The following SCAMP2 variants were observed in gnomAD, a reference collection of about 807,000 sequenced individuals.
SCAMP2 encodes the protein secretory carrier-associated membrane protein 2.
A neutral mutation model predicts 44.1 loss-of-function variants in SCAMP2; 25 were observed. The observed-to-expected ratio is 0.57, with a 90% CI of 0.41 to 0.79. The LOEUF is 0.79. SCAMP2 is among the 30% of genes least tolerant of loss of function. The probability of loss-of-function intolerance (pLI) is 0.00; values close to 1 mark genes in which losing one functional copy is unlikely to be tolerated. For synonymous variants in SCAMP2, 156 were observed against 166.0 expected (o/e 0.94, Z 0.46); for missense variants, 355 against 411.0 (o/e 0.86, Z 1.18).
At chr15:74,850,369 C>G (rs898576413) in intron 6 of SCAMP2, 145 bp downstream of exon 6, 3 of 819,836 alleles carry the variant, frequency 3.7e-6, no homozygotes, top group Non-Finnish European at 5.8e-6. Context: ...TGGGTGGGAA[C>G]AGAGGAACAG....
chr15:74,845,007 C>T lies in SCAMP2; in HGVS notation c.*76G>A, dbSNP rs925142790. On this transcript the variant is annotated 3_prime_UTR_variant, in exon 9 of 9. Coordinates refer to ENST00000268099, the MANE Select transcript of SCAMP2 (RefSeq NM_005697.5). ...GGTCTGTGCTGGGCACAACCACCAC[C>T]ACATAAGGCACCCACGGAAAGTGCA... The T allele has an allele frequency of 2.0e-6, 3 of 1,530,376 alleles. No individual in the cohort carries two copies. Among genetic ancestry groups the T allele is most frequent in the Non-Finnish European group, 2.7e-6 (3 of 1,123,812 alleles). The allele number at this position is 1,530,376 out of a possible 1,614,324, so 94.8% of individuals were successfully genotyped here. A position where few individuals can be genotyped will look rare whatever the true frequency, so the allele number is the denominator to read the frequency against.
Position 74,863,412 on chromosome 15 carries a change from G to A in SCAMP2, c.58-8763C>T, listed in dbSNP as rs1596422559. On this transcript the variant is annotated intron_variant, in intron 1 of 8. Transcript: ENST00000268099. ...TGTGGTCCCAGCTACACTGGAGGCT[G>A]AGGCAGGAGAACTGCCTGAGCCCAG... is the stretch of plus-strand genomic sequence containing the variant. 2.0e-5 allele frequency among the ~76,000 whole-genome samples: 3 copies of A among 151,756 alleles called. No individual in the cohort carries two copies. In the East Asian group the frequency reaches 5.8e-4, roughly 29 times the overall value.
intron 1 of SCAMP2, among the ~76,000 whole-genome samples, chr15:74,867,973 A>G (rs1225152288): frequency 6.6e-6 from 1 of 152,220 alleles, no homozygotes; most frequent in African/African-American, 2.4e-5. Context: ...GACTGCTGAA[A>G]AATGGACAGT....
chr15:74,845,283 GT>G, intron 8 of SCAMP2, 66 bp from the exon 9 acceptor site: 1 of 1,595,776 alleles, frequency 6.3e-7, no homozygotes. Flanking sequence ...AGCCATCCAG[GT>G]TATACTCCCA....
chr15:74,856,710 C>T (rs1380669721), intron 1 of SCAMP2, among the ~76,000 whole-genome samples: 1 of 151,938 alleles, frequency 6.6e-6, no homozygotes, highest in Non-Finnish European at 1.5e-5. Context: ...CCTCCCACCT[C>T]AGCCTCCGGA....
rs1173171037 is a variant in SCAMP2 at position 74,844,993 on chromosome 15, G to GGCACAACCACCACC, written c.*76_*89dup. 2.0e-6 allele frequency: 3 copies of GGCACAACCACCACC among 1,465,056 alleles called. No homozygotes were observed. In the African/African-American group the frequency reaches 4.2e-5, roughly 21 times the overall value. The allele number at this position is 1,465,056 out of a possible 1,614,324, so 90.8% of individuals were successfully genotyped here. A position where few individuals can be genotyped will look rare whatever the true frequency, so the allele number is the denominator to read the frequency against. On this transcript the variant is annotated 3_prime_UTR_variant, in exon 9 of 9. Transcript: ENST00000268099. The stretch of plus-strand genomic sequence containing the variant: ...CAAGAACCCTGCCAGGTCTGTGCTG[G>GGCACAACCACCACC]GCACAACCACCACCACATAAGGCAC...
At chr15:74,858,102 G>A (rs754720463) in intron 1 of SCAMP2, among the ~76,000 whole-genome samples, 3 of 152,148 alleles carry the variant, frequency 2.0e-5, no homozygotes, top group Non-Finnish European at 2.9e-5. Flanking sequence ...AAAGATGTGC[G>A]TGGCTTCAAG....
intron 1 of SCAMP2, among the ~76,000 whole-genome samples, chr15:74,870,937 C>T (rs1183049814): frequency 6.6e-6 from 1 of 152,096 alleles, no homozygotes; most frequent in Admixed American, 6.6e-5. Flanking sequence ...TGCCAATGAC[C>T]AAAATAAAGG....
At chr15:74,871,937 C>T (rs532522113) in intron 1 of SCAMP2, among the ~76,000 whole-genome samples, 21 of 149,586 alleles carry the variant, frequency 1.4e-4, no homozygotes, top group African/African-American at 4.7e-4. Flanking sequence ...CCCAGTTTCT[C>T]GGGAGGCTGA....
At chr15:74,865,606 G>A (rs147192884) in intron 1 of SCAMP2, among the ~76,000 whole-genome samples, 12 of 151,742 alleles carry the variant, frequency 7.9e-5, no homozygotes, top group Admixed American at 2.0e-4. Flanking sequence ...TCAGGAGGAA[G>A]CTGAGAACTA....
At chr15:74,855,575 G>A (rs1010207610) in intron 1 of SCAMP2, among the ~76,000 whole-genome samples, 1 of 152,128 alleles carries the variant, frequency 6.6e-6, no homozygotes, top group South Asian at 2.1e-4. Context: ...AATTAGCCAG[G>A]TGTGGTGGCG....
intron 3 of SCAMP2, 51 bp downstream of exon 3, chr15:74,853,969 TG>T: frequency 6.7e-7 from 1 of 1,493,198 alleles, no homozygotes; most frequent in Non-Finnish European, 9.3e-7. Flanking sequence ...GCTACTGGTC[TG>T]GATGATTCCC....
chr15:74,868,773 A>T (rs2064558389), intron 1 of SCAMP2, among the ~76,000 whole-genome samples: 1 of 152,058 alleles, frequency 6.6e-6, no homozygotes, highest in Non-Finnish European at 1.5e-5. Context: ...CAAACTCATG[A>T]CCTCAAGTGA....
intron 1 of SCAMP2, among the ~76,000 whole-genome samples, chr15:74,861,462 T>A (rs1005423003): frequency 6.6e-6 from 1 of 152,148 alleles, no homozygotes; most frequent in Non-Finnish European, 1.5e-5. Flanking sequence ...ATGATATTCA[T>A]AGGACCAGGA....
At chr15:74,854,479 C>T in intron 2 of SCAMP2, 102 bp downstream of exon 2, 1 of 996,850 alleles carries the variant, frequency 1.0e-6, no homozygotes, top group South Asian at 1.4e-5. Flanking sequence ...AGGACTGCCG[C>T]TTCTCAGAGC....
At chr15:74,872,211 G>C (rs554044443) in intron 1 of SCAMP2, among the ~76,000 whole-genome samples, 3 of 152,152 alleles carry the variant, frequency 2.0e-5, no homozygotes, top group East Asian at 1.9e-4. Context: ...TCAGGAGTTT[G>C]AGACCAGCCT....
intron 7 of SCAMP2, among the ~76,000 whole-genome samples, chr15:74,848,034 T>G (rs1441258617): frequency 2.0e-5 from 3 of 151,416 alleles, no homozygotes; most frequent in Non-Finnish European, 4.4e-5. Flanking sequence ...TCACCCACAA[T>G]ACCCTGGAAA....
Position 74,872,187 on chromosome 15 carries a change from T to C in SCAMP2, c.57+1012A>G, listed in dbSNP as rs547142187. On this transcript the variant is annotated intron_variant, in intron 1 of 8. Transcript: ENST00000268099. Reference sequence around the variant, plus strand: ...CAGCACTTTGGAAGGCCGAGGCGGATGGATCACCTGAGGTCAGGAGTTTGA... The same window carrying C: ...CAGCACTTTGGAAGGCCGAGGCGGACGGATCACCTGAGGTCAGGAGTTTGA... 1.1e-4 allele frequency among the ~76,000 whole-genome samples: 17 copies of C among 152,014 alleles called. No individual in the cohort carries two copies. In the South Asian group the frequency reaches 3.1e-3, roughly 28 times the overall value.
At chr15:74,861,083 G>A (rs1011909027) in intron 1 of SCAMP2, among the ~76,000 whole-genome samples, 1 of 151,968 alleles carries the variant, frequency 6.6e-6, no homozygotes, top group Non-Finnish European at 1.5e-5. Context: ...GCTGCAGCAG[G>A]AGAATCACTT....
Sources: allele counts gnomAD v4.1 joint callset (sites outside exome capture counted in the v4.1 genomes callset), GRCh38; gene constraint gnomAD v4.1.1; transcripts MANE v1.5; gene names NCBI Gene and HGNC (gene_info 2026-07-23, HGNC 2026-07-21).